The following PRIM2 variants were observed in gnomAD, a reference collection of about 807,000 sequenced individuals.
The protein encoded by PRIM2 is DNA primase subunit 2.
Under a neutral mutation model 67.3 loss-of-function variants are expected in PRIM2, and 39 were observed. The observed-to-expected ratio is 0.58, with a 90% CI of 0.45 to 0.76. PRIM2 has a LOEUF of 0.76. Ranked by LOEUF, PRIM2 falls within the 30% of genes least tolerant of loss-of-function variation. The pLI is 0.00. For synonymous variants in PRIM2, 143 were observed against 198.7 expected (o/e 0.72, Z 2.36); for missense variants, 398 against 598.7 (o/e 0.66, Z 3.50).
intron 8 of PRIM2, among the ~76,000 whole-genome samples, chr6:57,531,818 A>G (rs1275351382): frequency 6.6e-6 from 1 of 152,200 alleles, no homozygotes; most frequent in Non-Finnish European, 1.5e-5. Flanking sequence ...GGGGGTTGCA[A>G]GGATCTAATT....
chr6:57,598,987 C>T lies in PRIM2; in HGVS notation c.1021-2106C>T, dbSNP rs1164724295. ...TTTGAGACGGAGTCTCGCTCTGTCG[C>T]CCAGGCTGGAGTGCAGTGGCGCGAT... On this transcript the variant is annotated intron_variant, in intron 10 of 13. Coordinates refer to ENST00000615550, the MANE Select transcript of PRIM2 (RefSeq NM_000947.5). Among the ~76,000 whole-genome samples, 5 of 53,028 alleles carry T rather than the reference C, an allele frequency of 9.4e-5. 2 individuals are homozygous for T. In the South Asian group the frequency reaches 1.4e-3, roughly 15 times the overall value. 34.8% of individuals were successfully genotyped at this position (53,028 alleles called of 152,430 possible).
At chr6:57,430,071 C>T (rs1241597632) in intron 7 of PRIM2, among the ~76,000 whole-genome samples, 1 of 152,066 alleles carries the variant, frequency 6.6e-6, no homozygotes, top group African/African-American at 2.4e-5. Context: ...GGATAAAGGG[C>T]ATTTGGTATT....
intron 7 of PRIM2, among the ~76,000 whole-genome samples, chr6:57,417,232 G>T (rs1272641095): frequency 6.6e-6 from 1 of 152,132 alleles, no homozygotes; most frequent in Non-Finnish European, 1.5e-5. Flanking sequence ...CTCCCAAAGT[G>T]CTGGGATTAC....
intron 5 of PRIM2, among the ~76,000 whole-genome samples, chr6:57,328,969 C>A (rs944063478): frequency 6.6e-6 from 1 of 152,152 alleles, no homozygotes; most frequent in Non-Finnish European, 1.5e-5. Flanking sequence ...GATGTCTGTT[C>A]AAATCCTTTG....
At chr6:57,299,187 AT>A in the PRIM2 span, among the ~76,000 whole-genome samples, 1 of 152,048 alleles carries the variant, frequency 6.6e-6, no homozygotes, top group Non-Finnish European at 1.5e-5. Context: ...GCTAAGGTTT[AT>A]TTGGGGCTTT....
intron 10 of PRIM2, among the ~76,000 whole-genome samples, chr6:57,582,123 T>C (rs1179644341): frequency 6.6e-6 from 1 of 152,224 alleles, no homozygotes; most frequent in African/African-American, 2.4e-5. Flanking sequence ...CCATGCCTGT[T>C]AGAAAGGTTT....
chr6:57,646,170 A>G lies in PRIM2; in HGVS notation c.*12A>G, dbSNP rs1777331381. ...GTGAAGATTCTTAGGCAGTTTTATA[A>G]CCCTTTTTCCTCAATAGCCTGTTTC... is the stretch of plus-strand genomic sequence containing the variant. On this transcript the variant is annotated 3_prime_UTR_variant, in exon 14 of 14. Transcript: ENST00000615550. 1.3e-6 allele frequency: 2 copies of G among 1,566,764 alleles called. No individual in the cohort carries two copies. The highest frequency in any genetic ancestry group is 1.8e-6 in the Non-Finnish European group (2 of 1,138,676).
chr6:57,354,633 C>G (rs1768967664), intron 5 of PRIM2, among the ~76,000 whole-genome samples: 1 of 152,162 alleles, frequency 6.6e-6, no homozygotes, highest in African/African-American at 2.4e-5. Flanking sequence ...CTGCACAATT[C>G]TAAATGGACC....
chr6:57,514,092 A>G, intron 8 of PRIM2, among the ~76,000 whole-genome samples: 1 of 152,330 alleles, frequency 6.6e-6, no homozygotes, highest in Non-Finnish European at 1.5e-5. Context: ...TTATTTTAAA[A>G]TCGTTTAAAG....
intron 7 of PRIM2, among the ~76,000 whole-genome samples, chr6:57,455,732 C>T (rs1441438209): frequency 3.9e-5 from 6 of 152,164 alleles, no homozygotes; most frequent in Non-Finnish European, 8.8e-5. Flanking sequence ...GGTCTTGACT[C>T]TTTATCCAAT....
chr6:57,640,907 G>A (rs1185652329), intron 13 of PRIM2, among the ~76,000 whole-genome samples: 4 of 150,136 alleles, frequency 2.7e-5, no homozygotes, highest in Admixed American at 6.7e-5. Context: ...CCAAAAAAGA[G>A]CCCACATAGC....
chr6:57,532,537 T>C, intron 9 of PRIM2, 54 bp downstream of exon 9: 1 of 863,492 alleles, frequency 1.2e-6, no homozygotes, highest in Non-Finnish European at 1.7e-6. Flanking sequence ...GGAACATAGA[T>C]TTTCTTAAAT....
chr6:57,321,686 AG>A (rs564897683), intron 3 of PRIM2, among the ~76,000 whole-genome samples: 434 of 152,316 alleles, frequency 2.8e-3, no homozygotes, highest in Non-Finnish European at 5.2e-3. Context: ...AGGGAATAAC[AG>A]CAGATATTTA....
intron 10 of PRIM2, among the ~76,000 whole-genome samples, chr6:57,573,654 G>A (rs1581997660): frequency 1.3e-5 from 2 of 152,104 alleles, no homozygotes; most frequent in African/African-American, 4.8e-5. Flanking sequence ...CAGGAGAAAA[G>A]TTGTTTCATG....
intron 10 of PRIM2, among the ~76,000 whole-genome samples, chr6:57,590,825 G>A (rs1384840059): frequency 2.0e-5 from 3 of 152,296 alleles, no homozygotes; most frequent in African/African-American, 7.2e-5. Flanking sequence ...GCTATACCAA[G>A]TACTTTGTGA....
intron 13 of PRIM2, among the ~76,000 whole-genome samples, chr6:57,634,636 C>A (rs2127500075): frequency 6.6e-6 from 1 of 152,394 alleles, no homozygotes; most frequent in East Asian, 1.9e-4. Flanking sequence ...TATTATCCAA[C>A]CTCTTTTTAT....
At chr6:57,610,068 TG>T (rs1157990235) in intron 12 of PRIM2, among the ~76,000 whole-genome samples, 1 of 152,148 alleles carries the variant, frequency 6.6e-6, no homozygotes, top group Non-Finnish European at 1.5e-5. Context: ...AGGAAATCGA[TG>T]TTTTTTTAAA....
At chr6:57,283,833 T>G in the PRIM2 span, among the ~76,000 whole-genome samples, 1 of 152,118 alleles carries the variant, frequency 6.6e-6, no homozygotes, top group Non-Finnish European at 1.5e-5. Context: ...TTATAGGTAA[T>G]ATATTCTTTC....
the PRIM2 span, among the ~76,000 whole-genome samples, chr6:57,292,266 A>G: frequency 2.6e-5 from 4 of 152,310 alleles, no homozygotes; most frequent in African/African-American, 9.6e-5. Context: ...AGAGAATAAA[A>G]TATCTTGGAA....
Sources: gnomAD v4.1 joint callset for allele counts (sites outside exome capture counted in the v4.1 genomes callset) on GRCh38, gnomAD v4.1.1 for gene constraint, MANE v1.5 for transcripts, NCBI Gene and HGNC (gene_info 2026-07-23, HGNC 2026-07-21) for gene names.